The following TMTC2 variants were observed in gnomAD, a reference collection of about 807,000 sequenced individuals.
TMTC2 encodes transmembrane O-mannosyltransferase targeting cadherins 2.
A neutral mutation model predicts 82.4 loss-of-function variants in TMTC2; 43 were observed. That is an observed-to-expected ratio of 0.52 (90% CI 0.41 to 0.67). The LOEUF is 0.67. Among genes scored for constraint, TMTC2 ranks in the 30% least tolerant of loss-of-function variants. The probability of loss-of-function intolerance (pLI) is 0.00; values close to 1 mark genes in which losing one functional copy is unlikely to be tolerated. For missense variants in TMTC2, 919 were observed against 1,012.4 expected, an observed-to-expected ratio of 0.91 and a Z score of 1.25; for synonymous variants, 408 against 381.9, an observed-to-expected ratio of 1.07 and a Z score of -0.80.
At chr12:82,814,690 C>T (rs1241931901) in intron 1 of TMTC2, among the ~76,000 whole-genome samples, 2 of 152,090 alleles carry the variant, frequency 1.3e-5, no homozygotes, top group Non-Finnish European at 2.9e-5. Flanking sequence ...AATTGTTTGA[C>T]TTTAAAACCA....
intron 11 of TMTC2, among the ~76,000 whole-genome samples, chr12:83,082,788 A>G (rs916539069): frequency 6.6e-6 from 1 of 152,208 alleles, no homozygotes; most frequent in Non-Finnish European, 1.5e-5. Flanking sequence ...ATTTATAGAG[A>G]CATGTGGAGC....
Position 82,858,769 on chromosome 12 carries a change from T to C in TMTC2, c.654+1189T>C, listed in dbSNP as rs113182429. On this transcript the variant is annotated intron_variant, in intron 2 of 11. Coordinates refer to ENST00000321196, the MANE Select transcript of TMTC2 (RefSeq NM_152588.3). ...AAGTTCTTTTGTGATTTCAATTAAA[T>C]GCTGAAACTTTAAAAGAAACTCTGG... Among the ~76,000 whole-genome samples, 954 of 152,248 alleles carry C rather than the reference T, an allele frequency of 6.3e-3. 11 individuals are homozygous for C. Among genetic ancestry groups the C allele is most frequent in the African/African-American group, 0.022 (900 of 41,554 alleles).
intron 4 of TMTC2, among the ~76,000 whole-genome samples, chr12:82,943,999 A>G (rs1876859291): frequency 1.3e-5 from 2 of 152,106 alleles, no homozygotes; most frequent in Non-Finnish European, 2.9e-5. Context: ...ATGAAAAAGA[A>G]AAGAATAGAG....
At chr12:82,929,935 A>G (rs559796982) in intron 3 of TMTC2, among the ~76,000 whole-genome samples, 2 of 152,230 alleles carry the variant, frequency 1.3e-5, no homozygotes, top group South Asian at 4.1e-4. Context: ...TGTTTTATTG[A>G]TGTATTCTGA....
intron 1 of TMTC2, among the ~76,000 whole-genome samples, chr12:82,845,274 T>TA (rs1870592856): frequency 3.7e-5 from 5 of 136,774 alleles, no homozygotes; most frequent in African/African-American, 1.4e-4. Context: ...TATATATATA[T>TA]TGAACTAGTC....
At chr12:83,125,495 T>C (rs1235480962) in intron 11 of TMTC2, among the ~76,000 whole-genome samples, 2 of 152,166 alleles carry the variant, frequency 1.3e-5, no homozygotes, top group Non-Finnish European at 2.9e-5. Context: ...TATGAAAATG[T>C]TTTTAACCTC....
intron 9 of TMTC2, among the ~76,000 whole-genome samples, chr12:83,050,352 G>C (rs944247607): frequency 9.2e-5 from 14 of 152,190 alleles, no homozygotes; most frequent in Admixed American, 2.0e-4. Context: ...AGGTACAGTT[G>C]AAAGAGTTCT....
chr12:83,121,435 G>GC (rs1158316799), intron 11 of TMTC2, among the ~76,000 whole-genome samples: 1 of 152,104 alleles, frequency 6.6e-6, no homozygotes, highest in African/African-American at 2.4e-5. Flanking sequence ...TCTGGATCTA[G>GC]CCACCCAGCA....
intron 1 of TMTC2, among the ~76,000 whole-genome samples, chr12:82,757,016 G>A (rs1238095647): frequency 6.6e-6 from 1 of 151,934 alleles, no homozygotes; most frequent in Non-Finnish European, 1.5e-5. Flanking sequence ...TGATTTCCAG[G>A]GATAAAAAGA....
Position 83,007,483 on chromosome 12 carries a change from G to C in TMTC2, c.2070+21437G>C, listed in dbSNP as rs563552521. Among the ~76,000 whole-genome samples the C allele has an allele frequency of 2.0e-5, 3 of 151,982 alleles. No individual in the cohort carries two copies. The South Asian group carries it at 6.3e-4, about 32-fold the overall frequency. On this transcript the variant is annotated intron_variant, in intron 8 of 11. Coordinates refer to ENST00000321196, the MANE Select transcript of TMTC2 (RefSeq NM_152588.3). ...GGTGGTTGCCCTGGAGTTTGTGATG[G>C]ACACTTTATACTAAGTATACCTTTA... is the stretch of plus-strand genomic sequence containing the variant.
intron 4 of TMTC2, among the ~76,000 whole-genome samples, chr12:82,943,253 A>G (rs902642973): frequency 3.9e-5 from 6 of 152,334 alleles, no homozygotes; most frequent in African/African-American, 1.4e-4. Flanking sequence ...AATTTGTAAC[A>G]GCGTCAATCC....
chr12:82,973,526 A>T (rs1878536765), intron 7 of TMTC2, among the ~76,000 whole-genome samples: 1 of 152,148 alleles, frequency 6.6e-6, no homozygotes, highest in Middle Eastern at 3.2e-3. Context: ...ATGAGCAAAA[A>T]ACTATAATTT....
chr12:83,099,714 A>T (rs866927388), intron 11 of TMTC2, among the ~76,000 whole-genome samples: 2 of 151,430 alleles, frequency 1.3e-5, no homozygotes, highest in African/African-American at 4.9e-5. Flanking sequence ...AACAGAACTT[A>T]TGTTTTACCC....
chr12:82,687,586 G>A lies in TMTC2; in HGVS notation c.-1G>A. The A allele has an allele frequency of 6.3e-7, 1 of 1,596,556 alleles. No individual in the cohort carries two copies. Among genetic ancestry groups the A allele is most frequent in the Non-Finnish European group, 8.5e-7 (1 of 1,173,162 alleles). ...CGAGCCGGAGGGAAGGCGGTGGAGA[G>A]ATGATTGCAGAGTTGGTGAGCAGCG... On this transcript the variant is annotated 5_prime_UTR_variant, in exon 1 of 12. Coordinates refer to ENST00000321196, the MANE Select transcript of TMTC2 (RefSeq NM_152588.3).
intron 3 of TMTC2, 32 bp from the exon 4 acceptor site, chr12:82,930,399 T>G: frequency 7.5e-7 from 1 of 1,325,682 alleles, no homozygotes; most frequent in South Asian, 1.3e-5. Flanking sequence ...GGATTGATGC[T>G]CAGTCTGAAA....
chr12:82,739,415 C>T (rs1875287293), intron 1 of TMTC2, among the ~76,000 whole-genome samples: 1 of 151,950 alleles, frequency 6.6e-6, no homozygotes, highest in African/African-American at 2.4e-5. Context: ...TGTTTCTTTT[C>T]CTGTTTCCCA....
intron 1 of TMTC2, among the ~76,000 whole-genome samples, chr12:82,794,826 A>G (rs1878641170): frequency 6.6e-6 from 1 of 152,126 alleles, no homozygotes; most frequent in South Asian, 2.1e-4. Context: ...GTAGTTAGTT[A>G]TCATGGGATC....
intron 1 of TMTC2, among the ~76,000 whole-genome samples, chr12:82,761,539 A>G (rs184659633): frequency 3.7e-4 from 57 of 152,308 alleles, no homozygotes; most frequent in Non-Finnish European, 5.0e-4. Context: ...TGGCCTTACC[A>G]TCTATAGGGG....
chr12:82,937,786 A>ATATATATATATATATATATATATATATG (rs1876455830), intron 4 of TMTC2, among the ~76,000 whole-genome samples: 2 of 23,116 alleles, frequency 8.7e-5, no homozygotes, highest in Non-Finnish European at 9.9e-5. Context: ...ATATATATAT[A>ATATATATATATATATATATATATATATG]TATATATATA....
Sources: gnomAD v4.1 joint callset for allele counts (sites outside exome capture counted in the v4.1 genomes callset) on GRCh38, gnomAD v4.1.1 for gene constraint, MANE v1.5 for transcripts, NCBI Gene and HGNC (gene_info 2026-07-23, HGNC 2026-07-21) for gene names.